Variants in MGLL observed in about 807,000 individuals in gnomAD.
MGLL encodes the protein monoglyceride lipase.
In MGLL, 7 loss-of-function variants were observed where a neutral mutation model predicts 29.1. The observed-to-expected ratio is 0.24, with a 90% confidence interval of 0.14 to 0.45. MGLL has a LOEUF of 0.45. Ranked by LOEUF, MGLL falls within the 20% of genes least tolerant of loss-of-function variation. The pLI, the probability that MGLL is intolerant of heterozygous loss-of-function variation, is 0.99. For synonymous variants in MGLL, 148 were observed against 168.3 expected, an observed-to-expected ratio of 0.88 and a Z score of 0.93; for missense variants, 356 against 413.6, an observed-to-expected ratio of 0.86 and a Z score of 1.21.
intron 6 of MGLL, among the ~76,000 whole-genome samples, chr3:127,703,305 A>G (rs2075535211): frequency 6.6e-6 from 1 of 152,220 alleles, no homozygotes; most frequent in South Asian, 2.1e-4. Flanking sequence ...TTGAGGAATA[A>G]TAAGAGAAAC....
chr3:127,781,791 T>C lies in MGLL; in HGVS notation c.260A>G (p.His87Arg). 6.2e-7 allele frequency: 1 copy of C among 1,614,034 alleles called. No homozygotes were observed. The highest frequency in any genetic ancestry group is 1.1e-5 in the South Asian group (1 of 91,080). The change falls in exon 3 of 8, where the codon CAT (histidine) becomes CGT (arginine). Residue 87 changes from histidine to arginine, a missense_variant and splice_region_variant. Coordinates refer to ENST00000265052, the MANE Select transcript of MGLL (RefSeq NM_007283.7). ...TGACGGCACCCTGGGACACTCACCA[T>C]GGTCGTGGGCGAACACCAGCAGGTC... ...GLDLLVFAHD[H>R]VGHGQSEGER... is the part of the protein sequence containing the mutation.
chr3:127,816,735 G>A (rs972752066), intron 2 of MGLL, among the ~76,000 whole-genome samples: 1 of 152,200 alleles, frequency 6.6e-6, no homozygotes, highest in African/African-American at 2.4e-5. Flanking sequence ...ATGGAGAAAG[G>A]GGTCAACATG....
intron 3 of MGLL, among the ~76,000 whole-genome samples, chr3:127,770,961 G>C (rs529191454): frequency 1.3e-5 from 2 of 152,144 alleles, no homozygotes; most frequent in South Asian, 4.1e-4. Context: ...GGAAAGGCTA[G>C]GTATCTAGGG....
At chr3:127,704,879 C>T (rs974019779) in intron 6 of MGLL, among the ~76,000 whole-genome samples, 80 of 152,084 alleles carry the variant, frequency 5.3e-4, no homozygotes, top group African/African-American at 1.8e-3. Context: ...GGGTATACAC[C>T]CAAAGGAATA....
chr3:127,796,525 C>T (rs1333198181), intron 2 of MGLL, among the ~76,000 whole-genome samples: 1 of 152,166 alleles, frequency 6.6e-6, no homozygotes, highest in African/African-American at 2.4e-5. Context: ...GTTAAGTATC[C>T]AGTAGATGAG....
intron 3 of MGLL, among the ~76,000 whole-genome samples, chr3:127,731,677 C>T (rs1202889135): frequency 6.6e-6 from 1 of 152,202 alleles, no homozygotes; most frequent in Non-Finnish European, 1.5e-5. Context: ...GCTCACTGCA[C>T]CTCACCTGTT....
At chr3:127,813,824 A>G (rs2077706561) in intron 2 of MGLL, among the ~76,000 whole-genome samples, 1 of 152,070 alleles carries the variant, frequency 6.6e-6, no homozygotes, top group Non-Finnish European at 1.5e-5. Flanking sequence ...CCCACACTCT[A>G]ACCCCCAAAA....
At chr3:127,796,205 T>A (rs935004915) in intron 2 of MGLL, among the ~76,000 whole-genome samples, 2 of 152,206 alleles carry the variant, frequency 1.3e-5, no homozygotes, top group Non-Finnish European at 2.9e-5. Context: ...AAAGCAGATA[T>A]TACTAATCAA....
intron 3 of MGLL, among the ~76,000 whole-genome samples, chr3:127,743,643 A>G (rs1211827058): frequency 6.7e-6 from 1 of 149,122 alleles, no homozygotes; most frequent in African/African-American, 2.5e-5. Flanking sequence ...TCAAAGTCAC[A>G]GGTAGAAGGG....
At chr3:127,707,949 C>G (rs2075634289) in intron 6 of MGLL, among the ~76,000 whole-genome samples, 1 of 152,220 alleles carries the variant, frequency 6.6e-6, no homozygotes, top group Non-Finnish European at 1.5e-5. Flanking sequence ...TAACCCGCTT[C>G]CCTTCAGACA....
At chr3:127,745,040 C>T (rs1030536703) in intron 3 of MGLL, among the ~76,000 whole-genome samples, 1 of 152,190 alleles carries the variant, frequency 6.6e-6, no homozygotes, top group Non-Finnish European at 1.5e-5. Flanking sequence ...AGAAAGCAGG[C>T]AGGCAATGGC....
chr3:127,818,222 C>T (rs938491916), intron 2 of MGLL, among the ~76,000 whole-genome samples: 3 of 152,132 alleles, frequency 2.0e-5, no homozygotes, highest in African/African-American at 4.8e-5. Flanking sequence ...CTCAGCCTCC[C>T]GATGTGTTGG....
chr3:127,774,740 A>G (rs1389116799), intron 3 of MGLL, among the ~76,000 whole-genome samples: 1 of 150,802 alleles, frequency 6.6e-6, no homozygotes. Flanking sequence ...CAGCACCCCC[A>G]GGGGCTGTTA....
At chr3:127,754,810 G>A (rs1038921362) in intron 3 of MGLL, among the ~76,000 whole-genome samples, 5 of 152,324 alleles carry the variant, frequency 3.3e-5, no homozygotes, top group South Asian at 2.1e-4. Flanking sequence ...ACCAGAGAGC[G>A]AGAACGTCAT....
chr3:127,736,924 A>C (rs2076252331), intron 3 of MGLL, among the ~76,000 whole-genome samples: 1 of 152,038 alleles, frequency 6.6e-6, no homozygotes, highest in Non-Finnish European at 1.5e-5. Context: ...AGAACTCCTG[A>C]CCTCAAATGA....
chr3:127,735,770 G>A, intron 3 of MGLL: 1 of 1,598,286 alleles, frequency 6.3e-7, no homozygotes, highest in African/African-American at 1.3e-5. Flanking sequence ...CCCTTTGTAT[G>A]GTTTCAGAGG....
intron 2 of MGLL, 54 bp from the exon 3 acceptor site, chr3:127,781,949 G>C: frequency 6.5e-7 from 1 of 1,542,170 alleles, no homozygotes; most frequent in Middle Eastern, 1.7e-4. Context: ...GGCTGGGCGC[G>C]GTGGCTCATG....
chr3:127,757,545 G>A (rs941051331), intron 3 of MGLL, among the ~76,000 whole-genome samples: 28 of 152,048 alleles, frequency 1.8e-4, no homozygotes, highest in African/African-American at 6.8e-4. Flanking sequence ...GGAACTCTCC[G>A]CTTTCAAAGA....
chr3:127,760,017 C>T (rs764927190), intron 3 of MGLL, among the ~76,000 whole-genome samples: 7 of 152,220 alleles, frequency 4.6e-5, no homozygotes, highest in African/African-American at 1.4e-4. Flanking sequence ...CCTGCTTAGA[C>T]GGCTTGGTTT....
Sources: allele counts gnomAD v4.1 joint callset (sites outside exome capture counted in the v4.1 genomes callset), GRCh38; gene constraint gnomAD v4.1.1; transcripts MANE v1.5; gene names NCBI Gene and HGNC (gene_info 2026-07-23, HGNC 2026-07-21).